Variants in SV2C observed in about 807,000 individuals in gnomAD.
The protein encoded by SV2C is solute carrier family 22 member B3.
Under a neutral mutation model 79.7 loss-of-function variants are expected in SV2C, and 49 were observed. That is an observed-to-expected ratio of 0.61 (90% CI 0.49 to 0.78). The LOEUF is 0.78. Among genes scored for constraint, SV2C ranks in the 30% least tolerant of loss-of-function variants. SV2C has a pLI of 0.00. For synonymous variants in SV2C, 334 were observed against 333.2 expected, an observed-to-expected ratio of 1.00 and a Z score of -0.03; for missense variants, 833 against 912.9, an observed-to-expected ratio of 0.91 and a Z score of 1.13.
chr5:76,061,268 TAAAA>T, the SV2C span, among the ~76,000 whole-genome samples: 9 of 51,620 alleles, frequency 1.7e-4, no homozygotes, highest in Admixed American at 1.2e-3. Flanking sequence ...CTTCAATTTG[TAAAA>T]AAAAAAAAAA....
intron 8 of SV2C, among the ~76,000 whole-genome samples, chr5:76,295,494 G>T (rs554891711): frequency 6.6e-6 from 1 of 152,302 alleles, no homozygotes; most frequent in East Asian, 1.9e-4. Flanking sequence ...CCATGTATGG[G>T]CATAGGATCG....
In SV2C at chr5:76,108,727, T is replaced by G. The variant is rs182891620; in HGVS notation, c.-101-22923T>G. ...TCAAGCTAAAGCCTTAAATTATCTT[T>G]TGCTGCTTGACCTGGGGATCAAATG... On this transcript the variant is annotated intron_variant, in intron 1 of 12. Coordinates refer to ENST00000502798, the MANE Select transcript of SV2C (RefSeq NM_014979.4). 4.4e-4 allele frequency among the ~76,000 whole-genome samples: 67 copies of G among 152,358 alleles called. 1 individual carries two copies. Among genetic ancestry groups the G allele is most frequent in the Admixed American group, 2.1e-3 (32 of 15,294 alleles).
At chr5:75,944,852 C>T in the SV2C span, among the ~76,000 whole-genome samples, 1 of 152,098 alleles carries the variant, frequency 6.6e-6, no homozygotes, top group Non-Finnish European at 1.5e-5. Flanking sequence ...CCAGCTGTGA[C>T]ACTACACTTC....
rs920240355 is a variant in SV2C, at chr5:76,179,630, G to A, written c.581-15289G>A. On this transcript the variant is annotated intron_variant, in intron 2 of 12. Coordinates refer to ENST00000502798, the MANE Select transcript of SV2C (RefSeq NM_014979.4). ...GTGCTTCTGACAGTTTGGGATCGAG[G>A]AGCCCTCGTGTGATGCTTCATCACT... is the stretch of plus-strand genomic sequence containing the variant. Among the ~76,000 whole-genome samples, 46 of 152,156 alleles carry A rather than the reference G, an allele frequency of 3.0e-4. 1 individual carries two copies. The highest frequency in any genetic ancestry group is 6.5e-5 in the Admixed American group (1 of 15,278).
the SV2C span, among the ~76,000 whole-genome samples, chr5:75,949,426 C>T: frequency 6.6e-6 from 1 of 151,928 alleles, no homozygotes; most frequent in African/African-American, 2.4e-5. Flanking sequence ...AGTAGAGAAG[C>T]CAGTTGGAGA....
the SV2C span, among the ~76,000 whole-genome samples, chr5:75,875,335 A>G: frequency 1.5e-4 from 23 of 152,204 alleles, no homozygotes; most frequent in African/African-American, 5.5e-4. Context: ...TGGGGAAAAG[A>G]CTACCAACTC....
At chr5:76,297,889 C>G (rs1001307351) in intron 9 of SV2C, among the ~76,000 whole-genome samples, 2 of 152,110 alleles carry the variant, frequency 1.3e-5, no homozygotes, top group Admixed American at 1.3e-4. Context: ...CCGAGGAGAA[C>G]AAGCATTTTC....
chr5:75,875,366 C>T, the SV2C span, among the ~76,000 whole-genome samples: 2 of 152,152 alleles, frequency 1.3e-5, no homozygotes, highest in Admixed American at 6.6e-5. Flanking sequence ...GCTGGGATAA[C>T]AGGCTAGCCA....
chr5:76,058,123 C>T, the SV2C span, among the ~76,000 whole-genome samples: 1,808 of 152,134 alleles, frequency 0.012, 33 homozygotes, highest in African/African-American at 0.036. Context: ...TGTCTTATGT[C>T]TGGATAAATG....
chr5:76,030,266 G>GGTTTTTTTTT, the SV2C span, among the ~76,000 whole-genome samples: 15 of 31,956 alleles, frequency 4.7e-4, no homozygotes, highest in African/African-American at 1.8e-3. Flanking sequence ...TCAGAGGCTT[G>GGTTTTTTTTT]TTTTTTTTTT....
chr5:76,149,631 G>A (rs1179620942), intron 2 of SV2C, among the ~76,000 whole-genome samples: 3 of 152,240 alleles, frequency 2.0e-5, no homozygotes, highest in Admixed American at 2.0e-4. Context: ...ATCTATGTAT[G>A]AAGGGTGAAG....
chr5:75,990,836 A>G, the SV2C span, among the ~76,000 whole-genome samples: 27 of 152,146 alleles, frequency 1.8e-4, no homozygotes, highest in African/African-American at 5.1e-4. Flanking sequence ...CCTCAAGGCT[A>G]GAAGAGCTTG....
chr5:76,052,169 A>G, the SV2C span, among the ~76,000 whole-genome samples: 4 of 152,310 alleles, frequency 2.6e-5, no homozygotes, highest in African/African-American at 9.6e-5. Flanking sequence ...TTTTAAAGGA[A>G]AATGTTCCTT....
At chr5:76,346,577 C>A (rs1473056081) in intron 12 of SV2C, among the ~76,000 whole-genome samples, 1 of 152,174 alleles carries the variant, frequency 6.6e-6, no homozygotes. Context: ...GCAGTCGCTG[C>A]GGTCAGTACT....
intron 2 of SV2C, among the ~76,000 whole-genome samples, chr5:76,166,807 C>T (rs926839815): frequency 6.6e-6 from 1 of 152,184 alleles, no homozygotes; most frequent in Non-Finnish European, 1.5e-5. Flanking sequence ...TGTCACAGAC[C>T]AAGCTTTCAA....
the SV2C span, among the ~76,000 whole-genome samples, chr5:76,030,970 G>A: frequency 1.1e-4 from 16 of 151,830 alleles, no homozygotes; most frequent in African/African-American, 2.9e-4. Flanking sequence ...TTCTGTTCTC[G>A]AAATCAACTA....
At chr5:76,182,237 A>G (rs1413921873) in intron 2 of SV2C, among the ~76,000 whole-genome samples, 1 of 151,904 alleles carries the variant, frequency 6.6e-6, no homozygotes, top group African/African-American at 2.4e-5. Context: ...TTCTGTTGTG[A>G]ACATCTTCCT....
intron 1 of SV2C, among the ~76,000 whole-genome samples, chr5:76,120,331 T>C (rs1464814093): frequency 1.3e-5 from 2 of 152,038 alleles, no homozygotes; most frequent in Non-Finnish European, 2.9e-5. Flanking sequence ...TTTTGTTTTT[T>C]GTTTTGAAAA....
chr5:75,950,745 T>G, the SV2C span, among the ~76,000 whole-genome samples: 50 of 151,836 alleles, frequency 3.3e-4, 1 homozygote, highest in East Asian at 8.3e-3. Flanking sequence ...AAATGTGGCT[T>G]AAGTCTATGA....
Sources: allele counts gnomAD v4.1 joint callset (sites outside exome capture counted in the v4.1 genomes callset), GRCh38; gene constraint gnomAD v4.1.1; transcripts MANE v1.5; gene names NCBI Gene and HGNC (gene_info 2026-07-23, HGNC 2026-07-21).